Variants in BRWD1 observed in about 807,000 individuals in gnomAD.
BRWD1 encodes bromodomain and WD repeat domain containing 1.
Under a neutral mutation model 251.2 loss-of-function variants are expected in BRWD1, and 82 were observed. The observed-to-expected ratio is 0.33, with a 90% confidence interval of 0.27 to 0.39. The LOEUF is 0.39. Among genes scored for constraint, BRWD1 ranks in the 10% least tolerant of loss-of-function variants. The pLI is 1.00. For synonymous variants in BRWD1, 918 were observed against 902.8 expected, an observed-to-expected ratio of 1.02 and a Z score of -0.30; for missense variants, 2,233 against 2,711.6, an observed-to-expected ratio of 0.82 and a Z score of 3.92.
rs766470314 is a variant in BRWD1 at position 39,196,764 on chromosome 21, C to G, written c.6305G>C (p.Arg2102Thr). 6.2e-7 allele frequency: 1 copy of G among 1,613,312 alleles called. No homozygotes were observed. The highest frequency in any genetic ancestry group is 1.1e-5 in the South Asian group (1 of 91,068). ...GLRRWNGRRL[R>T]TYGKAPFSKT... The stretch of plus-strand genomic sequence containing the variant: ...ACTAAAAGGAGCCTTTCCATAGGTC[C>G]TGAGTCTTCTGCCATTCCACCTGCG... The change falls in exon 41 of 41, where the codon AGG becomes ACG. Residue 2102 changes from arginine to threonine, a missense_variant. Coordinates refer to ENST00000342449, the MANE Select transcript of BRWD1 (RefSeq NM_033656.4).
At chr21:39,249,913 GGGGTGTGTGTGTGTGTGTGTGTGT>G (rs1175471766) in intron 20 of BRWD1, among the ~76,000 whole-genome samples, 2 of 132,460 alleles carry the variant, frequency 1.5e-5, no homozygotes, top group Non-Finnish European at 3.3e-5. Flanking sequence ...AAAAAGAAGG[GGGGTGTGTGTGTGTGTGTGTGTGT>G]GTGTGTGTGT....
rs371983720 is a variant in BRWD1 at position 39,289,491 on chromosome 21, C to T, written c.831+4320G>A. On this transcript the variant is annotated intron_variant, in intron 8 of 40. Coordinates refer to ENST00000342449, the MANE Select transcript of BRWD1 (RefSeq NM_033656.4). Reference sequence around the variant, plus strand: ...TTTTTTTTGTCTTAAGTCTTCATTCCTTCTTGCATCTCCAAGTTTCCACCT... The same window carrying T: ...TTTTTTTTGTCTTAAGTCTTCATTCTTTCTTGCATCTCCAAGTTTCCACCT... Among the ~76,000 whole-genome samples the T allele has an allele frequency of 1.2e-3, 186 of 151,800 alleles. 4 individuals are homozygous for T. In the South Asian group the frequency reaches 0.038, roughly 31 times the overall value.
chr21:39,247,597 A>G, intron 21 of BRWD1, 104 bp downstream of exon 21: 1 of 1,200,414 alleles, frequency 8.3e-7, no homozygotes, highest in South Asian at 1.7e-5. Flanking sequence ...ATCTCTGCAG[A>G]ATGCTGTGTT....
At chr21:39,216,704 CT>C in intron 31 of BRWD1, 9 of 418,970 alleles carry the variant, frequency 2.1e-5, no homozygotes, top group South Asian at 3.9e-5. Context: ...GAGAAACCTG[CT>C]TTTTGGACTG....
At chr21:39,283,448 T>A (rs1239615330) in intron 8 of BRWD1, among the ~76,000 whole-genome samples, 1 of 152,250 alleles carries the variant, frequency 6.6e-6, no homozygotes, top group African/African-American at 2.4e-5. Flanking sequence ...TCACATTTCC[T>A]GTTAAATTCA....
At chr21:39,253,556 G>A (rs796413692) in intron 19 of BRWD1, among the ~76,000 whole-genome samples, 6 of 152,012 alleles carry the variant, frequency 3.9e-5, no homozygotes, top group East Asian at 1.9e-4. Flanking sequence ...AGACTTAGAC[G>A]CCAATTTAAA....
Position 39,258,604 on chromosome 21 carries a change from A to G in BRWD1, c.1954T>C (p.Ser652Pro). The change falls in exon 18 of 41, where the codon TCG becomes CCG. Residue 652 changes from serine (S) to proline (P), a missense_variant. Coordinates refer to ENST00000342449, the MANE Select transcript of BRWD1 (RefSeq NM_033656.4). ...CTTATCATTCCATCAAGAATACTCG[A>G]TTCTGGGCTGCGTTCATCATTATCA... ...TNDNDERSPE[S>P]SILDGMIRQL... 1 of 1,613,288 alleles carries G rather than the reference A, an allele frequency of 6.2e-7. No individual in the cohort carries two copies. Among genetic ancestry groups the G allele is most frequent in the Non-Finnish European group, 8.5e-7 (1 of 1,179,544 alleles).
intron 19 of BRWD1, among the ~76,000 whole-genome samples, chr21:39,255,307 G>A (rs956164895): frequency 3.3e-5 from 5 of 152,018 alleles, no homozygotes; most frequent in Non-Finnish European, 5.9e-5. Context: ...AGCTACTCAG[G>A]AGGCTGAGGC....
At chr21:39,292,799 T>C (rs1247154472) in intron 8 of BRWD1, among the ~76,000 whole-genome samples, 2 of 152,228 alleles carry the variant, frequency 1.3e-5, no homozygotes, top group African/African-American at 2.4e-5. Context: ...TAAGTTTCTT[T>C]TATTCTACAG....
chr21:39,232,004 C>T (rs1541101), intron 25 of BRWD1, among the ~76,000 whole-genome samples, 173 bp downstream of exon 25: 141,795 of 152,256 alleles, frequency 0.93, 66,410 homozygotes, highest in African/African-American at 0.98. Flanking sequence ...ATTTTGCCCA[C>T]TGACAAACAA....
intron 15 of BRWD1, among the ~76,000 whole-genome samples, chr21:39,267,631 G>T (rs576689270): frequency 3.3e-5 from 5 of 152,086 alleles, no homozygotes; most frequent in Non-Finnish European, 7.4e-5. Context: ...ACTTTGAATT[G>T]TAACAGTATA....
Position 39,197,032 on chromosome 21 carries a change from C to A in BRWD1, c.6037G>T (p.Ala2013Ser). The A allele has an allele frequency of 6.2e-7, 1 of 1,614,130 alleles. No homozygotes were observed. Among genetic ancestry groups the A allele is most frequent in the African/African-American group, 1.3e-5 (1 of 75,048 alleles). The stretch of plus-strand genomic sequence containing the variant: ...TCAGAGTCTGAGTCTCCATTTAGAG[C>A]CTGACTAAGCACTTTTGTACTACCT... ...SEGSTKVLSQ[A>S]LNGDSDSEDM... Residue 2013 changes from alanine to serine, a missense_variant, in exon 41 of 41, where the codon GCT becomes TCT. Ala to Ser is a moderately conservative substitution (Grantham distance 99). Coordinates refer to ENST00000342449, the MANE Select transcript of BRWD1 (RefSeq NM_033656.4).
intron 4 of BRWD1, among the ~76,000 whole-genome samples, chr21:39,308,439 A>C (rs1417955573): frequency 6.8e-6 from 1 of 148,126 alleles, no homozygotes; most frequent in Non-Finnish European, 1.5e-5. Context: ...CCAAGATTAT[A>C]CCACTGCACT....
chr21:39,207,139 T>C (rs1156517935), intron 36 of BRWD1, among the ~76,000 whole-genome samples: 1 of 152,170 alleles, frequency 6.6e-6, no homozygotes, highest in Non-Finnish European at 1.5e-5. Flanking sequence ...ATTTCATATA[T>C]ATAAATTTTA....
In BRWD1 at chr21:39,192,839, A is replaced by T. The variant is rs1223248280; in HGVS notation, c.*3420T>A. The T allele has an allele frequency of 1.0e-6, 1 of 984,770 alleles. No individual in the cohort carries two copies. The highest frequency in any genetic ancestry group is 1.7e-5 in the African/African-American group (1 of 57,180). The allele number at this position is 984,770 out of a possible 1,614,324, so 61.0% of individuals were successfully genotyped here. On this transcript the variant is annotated 3_prime_UTR_variant, in exon 41 of 41. Coordinates refer to ENST00000342449, the MANE Select transcript of BRWD1 (RefSeq NM_033656.4). ...CTCTGGGGTTTCAGTTGGCACAATC[A>T]AGTTCAACTTGTACTAACAGAAAAT...
chr21:39,234,815 C>G (rs887369514), intron 23 of BRWD1, among the ~76,000 whole-genome samples: 2 of 152,326 alleles, frequency 1.3e-5, no homozygotes, highest in Admixed American at 6.5e-5. Context: ...TTTAAAGACA[C>G]CTTTATACCA....
chr21:39,188,059 C>T lies in BRWD1; in HGVS notation c.*8200G>A. Reference sequence around the variant, plus strand: ...GGAGCTCTACACAGCCACATGATGCCAGAGCTACTACTCCGTGCTGACCAA... The same window carrying T: ...GGAGCTCTACACAGCCACATGATGCTAGAGCTACTACTCCGTGCTGACCAA... On this transcript the variant is annotated 3_prime_UTR_variant, in exon 41 of 41. Transcript: ENST00000342449. The T allele has an allele frequency of 3.0e-6, 3 of 985,384 alleles. No individual in the cohort carries two copies. The highest frequency in any genetic ancestry group is 1.1e-4 in the East Asian group (1 of 8,810). The allele number at this position is 985,384 out of a possible 1,614,324, so 61.0% of individuals were successfully genotyped here.
At chr21:39,213,378 TG>T in intron 33 of BRWD1, 102 bp downstream of exon 33, 2 of 933,358 alleles carry the variant, frequency 2.1e-6, no homozygotes, top group South Asian at 1.4e-5. Flanking sequence ...ATTTGTTCAT[TG>T]GACTACTACA....
intron 9 of BRWD1, 56 bp from the exon 10 acceptor site, chr21:39,278,869 C>A: frequency 2.3e-6 from 3 of 1,282,406 alleles, no homozygotes; most frequent in South Asian, 3.1e-5. Flanking sequence ...ATTAACACAG[C>A]TTAAAATATT....
Sources: gnomAD v4.1 joint callset for allele counts (sites outside exome capture counted in the v4.1 genomes callset) on GRCh38, gnomAD v4.1.1 for gene constraint, MANE v1.5 for transcripts, NCBI Gene and HGNC (gene_info 2026-07-23, HGNC 2026-07-21) for gene names.